Variants in AOPEP observed in about 807,000 individuals in gnomAD.
AOPEP encodes aminopeptidase O (putative), also known as aminopeptidase O.
Under a neutral mutation model 98.1 loss-of-function variants are expected in AOPEP, and 77 were observed. The ratio of observed to expected loss-of-function variants is 0.78; its 90% CI spans 0.65 to 0.95. The LOEUF (loss-of-function observed/expected upper bound fraction) is 0.95. Ranked by LOEUF, AOPEP falls within the 40% of genes least tolerant of loss-of-function variation. The probability of loss-of-function intolerance (pLI) is 0.00; values close to 1 mark genes in which losing one functional copy is unlikely to be tolerated. For synonymous variants in AOPEP, 346 were observed against 365.3 expected, an observed-to-expected ratio of 0.95 and a Z score of 0.60; for missense variants, 1,024 against 1,024.7, an observed-to-expected ratio of 1.00 and a Z score of 0.01.
At chr9:95,017,614 T>G (rs1385025050) in intron 13 of AOPEP, among the ~76,000 whole-genome samples, 2 of 152,234 alleles carry the variant, frequency 1.3e-5, no homozygotes, top group East Asian at 3.8e-4. Flanking sequence ...AAGATGGTGA[T>G]TCTGAGTCTC....
chr9:95,088,588 C>T (rs777880183), downstream of AOPEP, among the ~76,000 whole-genome samples: 9 of 152,130 alleles, frequency 5.9e-5, no homozygotes, highest in African/African-American at 1.4e-4. Flanking sequence ...GTGGGAGTAC[C>T]GGCCGCACTG....
the AOPEP span, among the ~76,000 whole-genome samples, chr9:95,128,201 A>C: frequency 1.3e-5 from 2 of 152,336 alleles, no homozygotes; most frequent in Non-Finnish European, 2.9e-5. Flanking sequence ...GAAAATATAA[A>C]AGTTTCTATG....
chr9:95,120,655 T>G, the AOPEP span, among the ~76,000 whole-genome samples: 1 of 152,138 alleles, frequency 6.6e-6, no homozygotes, highest in Admixed American at 6.5e-5. Flanking sequence ...ACTCAACTCC[T>G]GGACTCAAGC....
At chr9:95,080,978 G>A (rs559907937) in intron 15 of AOPEP, 198 bp downstream of exon 15, 2 of 578,052 alleles carry the variant, frequency 3.5e-6, no homozygotes, top group Middle Eastern at 4.2e-4. Flanking sequence ...GAAGGATTGA[G>A]TTGAGCACCT....
chr9:94,979,898 C>T (rs1033272244), intron 11 of AOPEP, among the ~76,000 whole-genome samples: 2 of 152,232 alleles, frequency 1.3e-5, no homozygotes, highest in Admixed American at 1.3e-4. Context: ...GTTTCCCTGA[C>T]ACGCCTGTGG....
At chr9:95,014,395 C>G (rs113296454) in intron 13 of AOPEP, among the ~76,000 whole-genome samples, 4,510 of 152,070 alleles carry the variant, frequency 0.03, 117 homozygotes, top group Non-Finnish European at 0.041. Flanking sequence ...TCCCTTGAGC[C>G]TGGGAGGCGA....
In AOPEP at chr9:94,859,377, C is replaced by T. The variant is rs552891718; in HGVS notation, c.1364+58375C>T. On this transcript the variant is annotated intron_variant, in intron 5 of 16. Transcript: ENST00000375315. Reference sequence around the variant, plus strand: ...TCTGTCGGCACTGTCTTCACATCCCCATGTCCTCTGTCTGCCAAATCTCCC... The same window carrying T: ...TCTGTCGGCACTGTCTTCACATCCCTATGTCCTCTGTCTGCCAAATCTCCC... Among the ~76,000 whole-genome samples, 9 of 152,324 alleles carry T rather than the reference C, an allele frequency of 5.9e-5. No homozygotes were observed. In the East Asian group the frequency reaches 1.5e-3, roughly 26 times the overall value.
chr9:95,117,461 C>CTT, the AOPEP span: 2 of 1,269,444 alleles, frequency 1.6e-6, no homozygotes, highest in African/African-American at 1.5e-5. Flanking sequence ...ATACAAAACT[C>CTT]TGAGTCCTCT....
intron 3 of AOPEP, among the ~76,000 whole-genome samples, chr9:94,776,931 T>C (rs1442311348): frequency 6.6e-6 from 1 of 151,896 alleles, no homozygotes. Flanking sequence ...TTTTTTTTTT[T>C]AGAAGACTGG....
At chr9:95,105,975 G>A in the AOPEP span, among the ~76,000 whole-genome samples, 7 of 152,322 alleles carry the variant, frequency 4.6e-5, no homozygotes, top group South Asian at 1.5e-3. Context: ...CGGCTCTCTG[G>A]GTTATAGACC....
At chr9:95,063,689 CTT>C (rs2067545899) in intron 14 of AOPEP, among the ~76,000 whole-genome samples, 1 of 152,178 alleles carries the variant, frequency 6.6e-6, no homozygotes, top group Admixed American at 6.5e-5. Context: ...CCGTTCTTCC[CTT>C]CACTGTGTGG....
chr9:94,864,263 G>A (rs1055480005), intron 5 of AOPEP, among the ~76,000 whole-genome samples: 3 of 152,142 alleles, frequency 2.0e-5, no homozygotes, highest in South Asian at 2.1e-4. Context: ...ATAAATGAAC[G>A]AAATAATTAT....
chr9:95,124,168 G>A, the AOPEP span, among the ~76,000 whole-genome samples: 3 of 148,110 alleles, frequency 2.0e-5, no homozygotes, highest in Middle Eastern at 3.2e-3. Flanking sequence ...TCTATTTGAC[G>A]TTGGCGGGGG....
At chr9:94,922,402 T>C (rs898225644) in intron 5 of AOPEP, among the ~76,000 whole-genome samples, 1 of 152,256 alleles carries the variant, frequency 6.6e-6, no homozygotes, top group Non-Finnish European at 1.5e-5. Flanking sequence ...AGCCTGTTTA[T>C]AAGGCCTGAA....
intron 3 of AOPEP, among the ~76,000 whole-genome samples, chr9:94,776,113 G>C (rs1842037560): frequency 6.6e-6 from 1 of 152,026 alleles, no homozygotes; most frequent in Non-Finnish European, 1.5e-5. Flanking sequence ...CTATTTCCCA[G>C]ACATCCAGTA....
intron 10 of AOPEP, among the ~76,000 whole-genome samples, chr9:94,979,134 T>C (rs941315572): frequency 6.6e-6 from 1 of 152,168 alleles, no homozygotes; most frequent in Non-Finnish European, 1.5e-5. Context: ...CCCATGATGC[T>C]GTGCCTGGGT....
chr9:94,968,147 G>A (rs75792241), intron 10 of AOPEP, among the ~76,000 whole-genome samples: 3,674 of 152,298 alleles, frequency 0.024, 148 homozygotes, highest in African/African-American at 0.083. Flanking sequence ...GTGGCTTAAT[G>A]CAAGGAAATA....
the AOPEP span, among the ~76,000 whole-genome samples, chr9:95,125,986 G>C: frequency 6.6e-6 from 1 of 152,208 alleles, no homozygotes; most frequent in African/African-American, 2.4e-5. Context: ...TCATGGCTGT[G>C]AGCTCCTCGT....
chr9:94,937,467 C>A (rs955278759), intron 7 of AOPEP, among the ~76,000 whole-genome samples: 1 of 152,156 alleles, frequency 6.6e-6, no homozygotes, highest in Non-Finnish European at 1.5e-5. Flanking sequence ...TTTAACCACC[C>A]CTTGAAGCCC....
Sources: gnomAD v4.1 joint callset for allele counts (sites outside exome capture counted in the v4.1 genomes callset) on GRCh38, gnomAD v4.1.1 for gene constraint, MANE v1.5 for transcripts, NCBI Gene and HGNC (gene_info 2026-07-23, HGNC 2026-07-21) for gene names.